Variants in ZC3H3 observed in about 807,000 individuals in gnomAD.
ZC3H3 encodes zinc finger CCCH domain-containing protein 3.
In ZC3H3, 36 loss-of-function variants were observed where a neutral mutation model predicts 77.3. That is an observed-to-expected ratio of 0.47 (90% CI 0.36 to 0.61). The LOEUF is 0.61. Ranked by LOEUF, ZC3H3 falls within the 20% of genes least tolerant of loss-of-function variation. ZC3H3 has a pLI of 0.00. For synonymous variants in ZC3H3, 626 were observed against 555.2 expected (o/e 1.13, Z -1.79); for missense variants, 1,331 against 1,312.2 (o/e 1.01, Z -0.22).
chr8:143,462,026 G>A lies in ZC3H3; in HGVS notation c.2307+3691C>T, dbSNP rs1161912343. Among the ~76,000 whole-genome samples, 4 of 151,018 alleles carry A rather than the reference G, an allele frequency of 2.6e-5. No individual in the cohort carries two copies. The East Asian group carries it at 5.8e-4, about 22-fold the overall frequency. ...CCACAGATCAAAGGGTTAGATCACCGTTGAGGGAAAGCACCCACGACATGA... is the reference window on the plus strand; with the variant it reads ...CCACAGATCAAAGGGTTAGATCACCATTGAGGGAAAGCACCCACGACATGA... On this transcript the variant is annotated intron_variant, in intron 9 of 11. Transcript: ENST00000262577. The surrounding 1 kb of genome is among the most constrained non-coding windows in gnomAD (Gnocchi z 4.7).
At chr8:143,463,895 C>T (rs1471819074) in intron 9 of ZC3H3, among the ~76,000 whole-genome samples, 3 of 152,232 alleles carry the variant, frequency 2.0e-5, no homozygotes, top group South Asian at 4.1e-4. Flanking sequence ...GGGGAAGGAG[C>T]GGAGATTTAC....
At chr8:143,502,655 G>C (rs748048874) in intron 4 of ZC3H3, among the ~76,000 whole-genome samples, 7 of 152,196 alleles carry the variant, frequency 4.6e-5, no homozygotes, top group Non-Finnish European at 7.3e-5. Context: ...AATGAATTTG[G>C]AAAGAGAAAA....
chr8:143,493,947 T>C lies in ZC3H3; in HGVS notation c.1715+13799A>G, dbSNP rs1213986859. On this transcript the variant is annotated intron_variant, in intron 4 of 11. Coordinates refer to ENST00000262577, the MANE Select transcript of ZC3H3 (RefSeq NM_015117.3). The surrounding 1 kb of genome is among the most constrained non-coding windows in gnomAD (Gnocchi z 4.8). ...TCCTGTTTCATAAAATAAAAAATTATAAAAATGAGCACAGGCACAGGGAGG... is the reference window on the plus strand; with the variant it reads ...TCCTGTTTCATAAAATAAAAAATTACAAAAATGAGCACAGGCACAGGGAGG... Among the ~76,000 whole-genome samples the C allele has an allele frequency of 6.6e-6, 1 of 152,192 alleles. No homozygotes were observed. The highest frequency in any genetic ancestry group is 1.5e-5 in the Non-Finnish European group (1 of 68,026).
intron 9 of ZC3H3, among the ~76,000 whole-genome samples, chr8:143,448,537 T>C (rs1819914436): frequency 6.6e-6 from 1 of 152,228 alleles, no homozygotes; most frequent in Non-Finnish European, 1.5e-5. Flanking sequence ...ACTCTACATT[T>C]CACATCCAGG....
rs1187466453 is a variant in ZC3H3, at chr8:143,441,103, C to A, written c.2325G>T (p.Thr775=). ...PLGAKCKKKH[T]LLCPDFARRG... ...TGCGGGCAAAGTCGGGGCACAGCAG[C>A]GTGTGTTTCTTCTTGCACTGCAGAG... The change falls in exon 10 of 12, where the codon ACG becomes ACT. Residue 775 remains threonine (T), a synonymous_variant. Transcript: ENST00000262577. 6.9e-7 allele frequency: 1 copy of A among 1,447,422 alleles called. No homozygotes were observed. Among genetic ancestry groups the A allele is most frequent in the Non-Finnish European group, 9.0e-7 (1 of 1,110,978 alleles). The allele number at this position is 1,447,422 out of a possible 1,614,324, so 89.7% of individuals were successfully genotyped here.
intron 2 of ZC3H3, among the ~76,000 whole-genome samples, chr8:143,537,464 G>T (rs1185155875): frequency 6.6e-6 from 1 of 152,190 alleles, no homozygotes; most frequent in Non-Finnish European, 1.5e-5. Flanking sequence ...GCCAGCAAAG[G>T]CCAGGCCTCC....
In ZC3H3 at chr8:143,517,902, C is replaced by A. The variant is rs1219968345; in HGVS notation, c.1562-10003G>T. ...CTGGGAGCACTCAGATACTCGAGGG[C>A]GGAAGAGCAGCCCCCAGAGGACAGA... On this transcript the variant is annotated intron_variant, in intron 3 of 11. Transcript: ENST00000262577. Among the ~76,000 whole-genome samples, 3 of 152,330 alleles carry A rather than the reference C, an allele frequency of 2.0e-5. No individual in the cohort carries two copies. The East Asian group carries it at 5.8e-4, about 29-fold the overall frequency.
At position 143,441,132 on chromosome 8, in the gene ZC3H3, A is replaced by C; in HGVS notation, c.2308-12T>G. The C allele has an allele frequency of 7.1e-7, 1 of 1,403,632 alleles. No individual in the cohort carries two copies. The highest frequency in any genetic ancestry group is 9.2e-7 in the Non-Finnish European group (1 of 1,086,588). The allele number at this position is 1,403,632 out of a possible 1,614,324, so 86.9% of individuals were successfully genotyped here. A position where few individuals can be genotyped will look rare whatever the true frequency, so the allele number is the denominator to read the frequency against. Reference sequence around the variant, plus strand: ...TGTTTCTTCTTGCACTGCAGAGAGAAGGGGTGCAGGTGGGTGGGCCGGCTG... The same window carrying C: ...TGTTTCTTCTTGCACTGCAGAGAGACGGGGTGCAGGTGGGTGGGCCGGCTG... On this transcript the variant is annotated splice_polypyrimidine_tract_variant and intron_variant, in intron 9 of 11. Transcript: ENST00000262577.
chr8:143,474,934 G>A (rs978901515), intron 5 of ZC3H3, among the ~76,000 whole-genome samples: 7 of 152,340 alleles, frequency 4.6e-5, no homozygotes, highest in East Asian at 1.9e-4. Flanking sequence ...CCAGGTGTGC[G>A]CTCGCCCGGG....
At chr8:143,502,942 G>A (rs1353745250) in intron 4 of ZC3H3, among the ~76,000 whole-genome samples, 1 of 152,258 alleles carries the variant, frequency 6.6e-6, no homozygotes. Flanking sequence ...CCGGCTCTCA[G>A]GGACCACTGT....
chr8:143,485,596 A>G (rs1463989210), intron 4 of ZC3H3, among the ~76,000 whole-genome samples: 1 of 152,286 alleles, frequency 6.6e-6, no homozygotes, highest in Admixed American at 6.5e-5. Flanking sequence ...CCAAGCTTCT[A>G]GAAGAAAACA....
At position 143,529,230 on chromosome 8, in the gene ZC3H3, G is replaced by A. The variant is rs549260436; in HGVS notation, c.1561+7027C>T. On this transcript the variant is annotated intron_variant, in intron 3 of 11. Coordinates refer to ENST00000262577, the MANE Select transcript of ZC3H3 (RefSeq NM_015117.3). ...CCATGCACTGGAATCCACAGGCTGC[G>A]CTGGTCACCGGGAGAAGCCGCTGGG... is the stretch of plus-strand genomic sequence containing the variant. Among the ~76,000 whole-genome samples the A allele has an allele frequency of 2.9e-3, 444 of 152,054 alleles. 1 individual carries two copies. Among genetic ancestry groups the A allele is most frequent in the Non-Finnish European group, 4.8e-3 (329 of 68,034 alleles).
intron 9 of ZC3H3, among the ~76,000 whole-genome samples, chr8:143,457,042 A>G (rs1820140380): frequency 6.6e-6 from 1 of 152,250 alleles, no homozygotes; most frequent in African/African-American, 2.4e-5. Context: ...ACTGAAAACT[A>G]GACCGCAAAT....
At chr8:143,474,559 C>G (rs1383770877) in intron 5 of ZC3H3, among the ~76,000 whole-genome samples, 2 of 149,306 alleles carry the variant, frequency 1.3e-5, no homozygotes, top group Non-Finnish European at 3.0e-5. Flanking sequence ...GGCTGGCTTC[C>G]AGGGAGGTAC....
chr8:143,479,608 T>C (rs1308448546), intron 4 of ZC3H3, among the ~76,000 whole-genome samples: 1 of 152,226 alleles, frequency 6.6e-6, no homozygotes, highest in Non-Finnish European at 1.5e-5. Flanking sequence ...CTTTCTCGCC[T>C]TTGTAATGGG....
At position 143,533,820 on chromosome 8, in the gene ZC3H3, C is replaced by T. The variant is rs140606303; in HGVS notation, c.1561+2437G>A. On this transcript the variant is annotated intron_variant, in intron 3 of 11. Transcript: ENST00000262577. This position sits in a 1 kb window ranked among gnomAD's most constrained non-coding sequence, Gnocchi z 4.0. ...CCTCCCGAGTAGATGGGATTACAGA[C>T]GCTCGCCACCACACCCAGCTAATTT... 0.013 allele frequency among the ~76,000 whole-genome samples: 1,935 copies of T among 151,900 alleles called. 33 individuals carry two copies. The highest frequency in any genetic ancestry group is 0.044 in the African/African-American group (1,829 of 41,424).
chr8:143,474,990 T>C (rs894947975), intron 5 of ZC3H3, among the ~76,000 whole-genome samples: 4 of 152,116 alleles, frequency 2.6e-5, no homozygotes, highest in African/African-American at 9.7e-5. Flanking sequence ...AAGCGAAACA[T>C]GGTGCTTGTG....
chr8:143,500,558 T>A (rs1231703276), intron 4 of ZC3H3, among the ~76,000 whole-genome samples: 1 of 152,236 alleles, frequency 6.6e-6, no homozygotes, highest in East Asian at 1.9e-4. Flanking sequence ...CTGCGTCATT[T>A]ATACAGAAAA....
chr8:143,528,834 G>A (rs2130489674), intron 3 of ZC3H3, among the ~76,000 whole-genome samples: 1 of 152,356 alleles, frequency 6.6e-6, no homozygotes, highest in South Asian at 2.1e-4. Context: ...CAGTCCTCTG[G>A]GAGGGGGGGC....
Sources: allele counts gnomAD v4.1 joint callset (sites outside exome capture counted in the v4.1 genomes callset), GRCh38; gene constraint gnomAD v4.1.1; non-coding constraint Gnocchi (gnomAD v3.1); transcripts MANE v1.5; gene names NCBI Gene and HGNC (gene_info 2026-07-23, HGNC 2026-07-21).